Variants in STK32A observed in about 807,000 individuals in gnomAD.
STK32A encodes the protein serine/threonine-protein kinase 32A.
In STK32A, 41 loss-of-function variants were observed where a neutral mutation model predicts 53.2. The observed-to-expected ratio is 0.77, with a 90% confidence interval of 0.60 to 1.00. The LOEUF (loss-of-function observed/expected upper bound fraction) is 1.00, where lower values mean the gene tolerates loss of function less well. Among genes scored for constraint, STK32A ranks in the 50% least tolerant of loss-of-function variants. The probability of loss-of-function intolerance (pLI) is 0.00; values close to 1 mark genes in which losing one functional copy is unlikely to be tolerated. For missense variants in STK32A, 458 were observed against 485.8 expected (o/e 0.94, Z 0.54); for synonymous variants, 166 against 162.8 (o/e 1.02, Z -0.15).
intron 6 of STK32A, among the ~76,000 whole-genome samples, chr5:147,350,379 T>TC (rs1755911902): frequency 1.3e-5 from 2 of 151,972 alleles, no homozygotes; most frequent in Admixed American, 1.3e-4. Context: ...TTCTTTTTTT[T>TC]TTGAGATAGT....
At chr5:147,318,055 A>C (rs981882887) in intron 4 of STK32A, among the ~76,000 whole-genome samples, 2 of 152,180 alleles carry the variant, frequency 1.3e-5, no homozygotes, top group Non-Finnish European at 2.9e-5. Context: ...ATTTTCAAAA[A>C]AAATTATGCA....
intron 8 of STK32A, among the ~76,000 whole-genome samples, chr5:147,362,108 A>T (rs562387530): frequency 1.8e-3 from 274 of 152,338 alleles, no homozygotes; most frequent in South Asian, 3.5e-3. Flanking sequence ...AACATTTCTT[A>T]AACTAAGAAT....
At chr5:147,238,294 G>T (rs1204697583) in intron 1 of STK32A, among the ~76,000 whole-genome samples, 1 of 152,180 alleles carries the variant, frequency 6.6e-6, no homozygotes, top group Non-Finnish European at 1.5e-5. Flanking sequence ...ACCATTGTCT[G>T]CCCAATGCAC....
intron 12 of STK32A, 128 bp from the exon 13 acceptor site, chr5:147,383,762 C>G: frequency 1.0e-6 from 1 of 992,006 alleles, no homozygotes; most frequent in Non-Finnish European, 1.4e-6. Context: ...AAAATCAAAG[C>G]CTTTTAAAAG....
At chr5:147,255,171 A>G (rs1366364032) in intron 2 of STK32A, among the ~76,000 whole-genome samples, 3 of 152,230 alleles carry the variant, frequency 2.0e-5, no homozygotes, top group Non-Finnish European at 2.9e-5. Flanking sequence ...CAAAGAATTG[A>G]ACATACTGAC....
chr5:147,248,098 G>A (rs1753830890), intron 2 of STK32A, among the ~76,000 whole-genome samples: 1 of 136,904 alleles, frequency 7.3e-6, no homozygotes, highest in Non-Finnish European at 1.5e-5. Context: ...TCCAGCCGGG[G>A]CAACAAGAGC....
chr5:147,298,344 T>C (rs2151964714), intron 4 of STK32A, among the ~76,000 whole-genome samples: 1 of 152,356 alleles, frequency 6.6e-6, no homozygotes. Flanking sequence ...TAGAAACTTG[T>C]AGGTACTATT....
intron 3 of STK32A, 94 bp downstream of exon 3, chr5:147,278,273 C>T: frequency 9.8e-7 from 1 of 1,023,598 alleles, no homozygotes; most frequent in Non-Finnish European, 1.4e-6. Flanking sequence ...GTTGCTGGGA[C>T]CGCAAGGAAA....
At chr5:147,325,221 G>A (rs894924223) in intron 5 of STK32A, among the ~76,000 whole-genome samples, 3 of 152,066 alleles carry the variant, frequency 2.0e-5, no homozygotes, top group Non-Finnish European at 4.4e-5. Context: ...GAGATTTTAA[G>A]TACAATTATG....
chr5:147,294,003 A>C (rs1009629462), intron 4 of STK32A, among the ~76,000 whole-genome samples: 6 of 152,212 alleles, frequency 3.9e-5, no homozygotes, highest in African/African-American at 1.4e-4. Context: ...ACTGCAGAAG[A>C]TAAGATTTTC....
At chr5:147,325,067 T>C (rs1190922964) in intron 5 of STK32A, among the ~76,000 whole-genome samples, 1 of 152,240 alleles carries the variant, frequency 6.6e-6, no homozygotes, top group Admixed American at 6.5e-5. Flanking sequence ...TAGATCTCTC[T>C]GACCTCAAAG....
intron 11 of STK32A, among the ~76,000 whole-genome samples, chr5:147,378,928 C>T (rs1757345075): frequency 9.9e-6 from 1 of 100,906 alleles, no homozygotes; most frequent in Admixed American, 1.4e-4. Context: ...GTTCCATATA[C>T]ATTTGAAAAT....
At chr5:147,332,967 A>T (rs1022918635) in intron 5 of STK32A, among the ~76,000 whole-genome samples, 3 of 152,216 alleles carry the variant, frequency 2.0e-5, no homozygotes, top group African/African-American at 7.2e-5. Flanking sequence ...ACAGGTTAAC[A>T]TTTAACTAGA....
chr5:147,259,945 CTCTCTCCTCTCTG>C (rs1754435388), intron 2 of STK32A, among the ~76,000 whole-genome samples: 1 of 144,932 alleles, frequency 6.9e-6, no homozygotes, highest in African/African-American at 2.6e-5. Flanking sequence ...CTGTCTCTCT[CTCTCTCCTCTCTG>C]TCTCTCTCTC....
At chr5:147,354,594 G>T (rs1168532573) in intron 7 of STK32A, among the ~76,000 whole-genome samples, 1 of 152,136 alleles carries the variant, frequency 6.6e-6, no homozygotes, top group Non-Finnish European at 1.5e-5. Context: ...ACCAGACAAG[G>T]TGTTAAATGT....
chr5:147,267,559 C>T (rs1472280478), intron 2 of STK32A, among the ~76,000 whole-genome samples: 2 of 151,908 alleles, frequency 1.3e-5, no homozygotes, highest in African/African-American at 4.8e-5. Context: ...TTGGATAGTG[C>T]CTATAGATGT....
At chr5:147,258,931 T>G (rs1395202549) in intron 2 of STK32A, among the ~76,000 whole-genome samples, 1 of 152,186 alleles carries the variant, frequency 6.6e-6, no homozygotes, top group Non-Finnish European at 1.5e-5. Flanking sequence ...TTTATTATTA[T>G]TATTATTCTG....
chr5:147,259,712 T>C (rs1275687830), intron 2 of STK32A, among the ~76,000 whole-genome samples: 1 of 152,084 alleles, frequency 6.6e-6, no homozygotes, highest in Non-Finnish European at 1.5e-5. Flanking sequence ...TCTCTGACTT[T>C]CTGTCTCTTT....
At chr5:147,367,162 T>C (rs1014504981) in intron 8 of STK32A, among the ~76,000 whole-genome samples, 2 of 151,888 alleles carry the variant, frequency 1.3e-5, no homozygotes, top group Non-Finnish European at 2.9e-5. Flanking sequence ...CCCTCCTCTG[T>C]CCAATCAACC....
Sources: allele counts gnomAD v4.1 joint callset (sites outside exome capture counted in the v4.1 genomes callset), GRCh38; gene constraint gnomAD v4.1.1; transcripts MANE v1.5; gene names NCBI Gene and HGNC (gene_info 2026-07-23, HGNC 2026-07-21).